The following LRRC10B variants were observed in gnomAD, a reference collection of about 807,000 sequenced individuals.
LRRC10B encodes the protein leucine-rich repeat-containing protein 10B.
For synonymous variants in LRRC10B, 204 were observed against 221.5 expected (o/e 0.92, Z 0.70); for missense variants, 389 against 436.5 (o/e 0.89, Z 0.97).
chr11:61,509,707 A>C lies in LRRC10B; in HGVS notation c.709A>C (p.Met237Leu). 1 of 1,492,040 alleles carries C rather than the reference A, an allele frequency of 6.7e-7. No individual in the cohort carries two copies. The highest frequency in any genetic ancestry group is 8.9e-7 in the Non-Finnish European group (1 of 1,125,550). 92.4% of individuals were successfully genotyped at this position (1,492,040 alleles called of 1,614,324 possible). A position where few individuals can be genotyped will look rare whatever the true frequency, so the allele number is the denominator to read the frequency against. Reference protein sequence around the residue: ...FLVGEGAVERMAERDEPTPRP... With the variant: ...FLVGEGAVERLAERDEPTPRP... ...CGTGGGCGAGGGCGCCGTCGAGCGC[A>C]TGGCGGAGCGCGACGAGCCCACGCC... is the stretch of plus-strand genomic sequence containing the variant. Residue 237 changes from methionine to leucine, a missense_variant, in exon 1 of 1, where the codon ATG (methionine) becomes CTG (leucine). Physicochemically the swap from Met to Leu is conservative, Grantham distance 15. Transcript: ENST00000378075.
rs1365607032 is a variant in LRRC10B, at chr11:61,509,753, C to CT, written c.755_756insT (p.Ala253SerfsTer5). On this transcript the variant is annotated frameshift_variant, in exon 1 of 1. Coordinates refer to ENST00000378075, the MANE Select transcript of LRRC10B (RefSeq NM_001145077.2). LOFTEE classifies it high-confidence loss of function. ...ACGCCCCGGCCTCCGCCCCGGCGCC[C>CT]AGCGCGGGCCTTTGAGGATGAGGAG... 1.3e-6 allele frequency: 2 copies of CT among 1,523,292 alleles called. No homozygotes were observed. The highest frequency in any genetic ancestry group is 1.8e-6 in the Non-Finnish European group (2 of 1,141,814). The allele number at this position is 1,523,292 out of a possible 1,614,324, so 94.4% of individuals were successfully genotyped here.
chr11:61,509,786 A>G lies in LRRC10B; in HGVS notation c.788A>G (p.Asp263Gly). 6.5e-7 allele frequency: 1 copy of G among 1,530,032 alleles called. No homozygotes were observed. Among genetic ancestry groups the G allele is most frequent in the Non-Finnish European group, 8.7e-7 (1 of 1,143,412 alleles). The allele number at this position is 1,530,032 out of a possible 1,614,324, so 94.8% of individuals were successfully genotyped here. ...ARAFEDEEEE[D>G]LLIGGAGSRA... ...GCCTTTGAGGATGAGGAGGAGGAAG[A>G]CCTGCTCATAGGCGGCGCTGGTTCC... The change falls in exon 1 of 1, where the codon GAC becomes GGC. Residue 263 changes from aspartate (D) to glycine (G), a missense_variant. Transcript: ENST00000378075.
At position 61,509,019 on chromosome 11, in the gene LRRC10B, G is replaced by C. The variant is rs543955974; in HGVS notation, c.21G>C (p.Thr7=). 1 of 1,349,510 alleles carries C rather than the reference G, an allele frequency of 7.4e-7. No individual in the cohort carries two copies. 83.6% of individuals were successfully genotyped at this position (1,349,510 alleles called of 1,614,324 possible). A position where few individuals can be genotyped will look rare whatever the true frequency, so the allele number is the denominator to read the frequency against. ...TGACCATGGGCATCGCCGAGTCCACGCCGGATGAGCTGCCGTCGGACGCAG... is the reference window on the plus strand; with the variant it reads ...TGACCATGGGCATCGCCGAGTCCACCCCGGATGAGCTGCCGTCGGACGCAG... MGIAES[T]PDELPSDAEE... Residue 7 remains threonine, a synonymous_variant, in exon 1 of 1, where the codon ACG becomes ACC. Transcript: ENST00000378075.
chr11:61,509,722 G>C lies in LRRC10B; in HGVS notation c.724G>C (p.Glu242Gln), dbSNP rs1000818697. 14 of 1,514,552 alleles carry C rather than the reference G, an allele frequency of 9.2e-6. No individual in the cohort carries two copies. Among genetic ancestry groups the C allele is most frequent in the South Asian group, 7.4e-5 (6 of 81,480 alleles). The allele number at this position is 1,514,552 out of a possible 1,614,324, so 93.8% of individuals were successfully genotyped here. A position where few individuals can be genotyped will look rare whatever the true frequency, so the allele number is the denominator to read the frequency against. Residue 242 changes from glutamate to glutamine, a missense_variant, in exon 1 of 1, where the codon GAG becomes CAG. Glu to Gln is a conservative substitution (Grantham distance 29, BLOSUM62 2). Coordinates refer to ENST00000378075, the MANE Select transcript of LRRC10B (RefSeq NM_001145077.2). ...CGTCGAGCGCATGGCGGAGCGCGAC[G>C]AGCCCACGCCCCGGCCTCCGCCCCG... is the stretch of plus-strand genomic sequence containing the variant. The part of the protein sequence containing the change: ...GAVERMAERD[E>Q]PTPRPPPRRP...
Position 61,509,155 on chromosome 11 carries a change from G to C in LRRC10B, c.157G>C (p.Gly53Arg), listed in dbSNP as rs1287425658. Residue 53 changes from glycine to arginine, a missense_variant, in exon 1 of 1, where the codon GGC becomes CGC. Gly to Arg is a moderately radical substitution (Grantham distance 125, BLOSUM62 -2). Coordinates refer to ENST00000378075, the MANE Select transcript of LRRC10B (RefSeq NM_001145077.2). ...LSRLQKLYVS[G>R]TGLRELPEEI... The stretch of plus-strand genomic sequence containing the variant: ...CCGCCTGCAGAAGCTGTATGTGAGC[G>C]GCACGGGGCTGCGCGAGCTGCCGGA... 6.5e-7 allele frequency: 1 copy of C among 1,528,574 alleles called. No homozygotes were observed. Among genetic ancestry groups the C allele is most frequent in the South Asian group, 1.2e-5 (1 of 83,248 alleles). The allele number at this position is 1,528,574 out of a possible 1,614,324, so 94.7% of individuals were successfully genotyped here. A position where few individuals can be genotyped will look rare whatever the true frequency, so the allele number is the denominator to read the frequency against.
At position 61,509,960 on chromosome 11, in the gene LRRC10B, G is replaced by A; in HGVS notation, c.*83G>A. On this transcript the variant is annotated 3_prime_UTR_variant, in exon 1 of 1. Coordinates refer to ENST00000378075, the MANE Select transcript of LRRC10B (RefSeq NM_001145077.2). ...TTGGCTGGTTAGGCCTGCGGGACTG[G>A]TGGGTCCCTACTTAGGTCAATGGAA... The A allele has an allele frequency of 7.4e-7, 1 of 1,359,818 alleles. No individual in the cohort carries two copies. Among genetic ancestry groups the A allele is most frequent in the Non-Finnish European group, 9.7e-7 (1 of 1,035,600 alleles). 84.2% of individuals were successfully genotyped at this position (1,359,818 alleles called of 1,614,324 possible).
rs1347934277 is a variant in LRRC10B, at chr11:61,509,670, C to G, written c.672C>G (p.Asp224Glu). The change falls in exon 1 of 1, where the codon GAC (aspartate) becomes GAG (glutamate). Residue 224 changes from aspartate to glutamate, a missense_variant. By Grantham distance (45) the Asp-to-Glu change is conservative (BLOSUM62 2). Transcript: ENST00000378075. ...TCACCGGGCCCCCGCGCGTCGCGGA[C>G]ACCGTGTTCCTCGTGGGCGAGGGCG... Reference protein sequence around the residue: ...NPVTGPPRVADTVFLVGEGAV... With the variant: ...NPVTGPPRVAETVFLVGEGAV... 1 of 1,519,824 alleles carries G rather than the reference C, an allele frequency of 6.6e-7. No homozygotes were observed. The highest frequency in any genetic ancestry group is 2.6e-5 in the East Asian group (1 of 38,060). 94.1% of individuals were successfully genotyped at this position (1,519,824 alleles called of 1,614,324 possible).
At position 61,509,795 on chromosome 11, in the gene LRRC10B, T is replaced by C. The variant is rs1191218862; in HGVS notation, c.797T>C (p.Ile266Thr). 2 of 1,531,002 alleles carry C rather than the reference T, an allele frequency of 1.3e-6. No individual in the cohort carries two copies. Among genetic ancestry groups the C allele is most frequent in the Non-Finnish European group, 8.7e-7 (1 of 1,143,436 alleles). 94.8% of individuals were successfully genotyped at this position (1,531,002 alleles called of 1,614,324 possible). Residue 266 changes from isoleucine (I) to threonine (T), a missense_variant, in exon 1 of 1, where the codon ATA becomes ACA. Transcript: ENST00000378075. ...FEDEEEEDLL[I>T]GGAGSRALGA... ...GATGAGGAGGAGGAAGACCTGCTCA[T>C]AGGCGGCGCTGGTTCCCGGGCTCTG...
In LRRC10B at chr11:61,509,643, C is replaced by T. The variant is rs551904983; in HGVS notation, c.645C>T (p.Pro215=). ...GCGTCTTCTCCTACGACCACAACCC[C>T]GTCACCGGGCCCCCGCGCGTCGCGG... ...ALRVFSYDHN[P]VTGPPRVADT... is the part of the protein sequence containing the mutation. Residue 215 remains proline (P), a synonymous_variant, in exon 1 of 1, where the codon CCC becomes CCT. Coordinates refer to ENST00000378075, the MANE Select transcript of LRRC10B (RefSeq NM_001145077.2). 2.0e-6 allele frequency: 3 copies of T among 1,521,620 alleles called. No homozygotes were observed. Among genetic ancestry groups the T allele is most frequent in the Admixed American group, 4.1e-5 (2 of 48,490 alleles). The allele number at this position is 1,521,620 out of a possible 1,614,324, so 94.3% of individuals were successfully genotyped here.
In LRRC10B at chr11:61,509,983, G is replaced by A. The variant is rs567671401; in HGVS notation, c.*106G>A. On this transcript the variant is annotated 3_prime_UTR_variant, in exon 1 of 1. Transcript: ENST00000378075. The stretch of plus-strand genomic sequence containing the variant: ...TGGTGGGTCCCTACTTAGGTCAATG[G>A]AACGGCTACTTTTGGCGAGTTGCCG... The A allele has an allele frequency of 1.1e-5, 13 of 1,218,312 alleles. No homozygotes were observed. The Admixed American group carries it at 1.1e-4, about 10-fold the overall frequency. 75.5% of individuals were successfully genotyped at this position (1,218,312 alleles called of 1,614,324 possible).
In LRRC10B at chr11:61,509,344, C is replaced by T; in HGVS notation, c.346C>T (p.Arg116Cys). ...PADFAQLQSL[R>C]CLWIEGNFLR... Reference sequence around the variant, plus strand: ...CGACTTCGCGCAGTTGCAGAGCCTGCGCTGCCTCTGGATCGAGGGCAACTT... The same window carrying T: ...CGACTTCGCGCAGTTGCAGAGCCTGTGCTGCCTCTGGATCGAGGGCAACTT... Residue 116 changes from arginine to cysteine, a missense_variant, in exon 1 of 1, where the codon CGC becomes TGC. Arg to Cys is a radical substitution (Grantham distance 180). Coordinates refer to ENST00000378075, the MANE Select transcript of LRRC10B (RefSeq NM_001145077.2). 1 of 1,496,832 alleles carries T rather than the reference C, an allele frequency of 6.7e-7. No individual in the cohort carries two copies. The highest frequency in any genetic ancestry group is 8.8e-7 in the Non-Finnish European group (1 of 1,130,534). The allele number at this position is 1,496,832 out of a possible 1,614,324, so 92.7% of individuals were successfully genotyped here.
chr11:61,509,251 G>C lies in LRRC10B; in HGVS notation c.253G>C (p.Gly85Arg). The change falls in exon 1 of 1, where the codon GGC becomes CGC. Residue 85 changes from glycine (G) to arginine (R), a missense_variant. By Grantham distance (125) the Gly-to-Arg change is moderately radical. Transcript: ENST00000378075. Reference sequence around the variant, plus strand: ...CAACAAGCTCGAGCGACTGCCTGACGGCCTGTGCCGCCTGCCGCGCCTCAC... The same window carrying C: ...CAACAAGCTCGAGCGACTGCCTGACCGCCTGTGCCGCCTGCCGCGCCTCAC... ...DFNKLERLPD[G>R]LCRLPRLTRL... 6.6e-7 allele frequency: 1 copy of C among 1,524,684 alleles called. No individual in the cohort carries two copies. Among genetic ancestry groups the C allele is most frequent in the South Asian group, 1.2e-5 (1 of 82,896 alleles). 94.4% of individuals were successfully genotyped at this position (1,524,684 alleles called of 1,614,324 possible). A position where few individuals can be genotyped will look rare whatever the true frequency, so the allele number is the denominator to read the frequency against.
In LRRC10B at chr11:61,509,313, G is replaced by A. The variant is rs1320170755; in HGVS notation, c.315G>A (p.Leu105=). 6.7e-7 allele frequency: 1 copy of A among 1,494,912 alleles called. No individual in the cohort carries two copies. Among genetic ancestry groups the A allele is most frequent in the South Asian group, 1.3e-5 (1 of 79,076 alleles). 92.6% of individuals were successfully genotyped at this position (1,494,912 alleles called of 1,614,324 possible). The change falls in exon 1 of 1, where the codon CTG becomes CTA. Residue 105 remains leucine, a synonymous_variant. Coordinates refer to ENST00000378075, the MANE Select transcript of LRRC10B (RefSeq NM_001145077.2). ...LYLGGNRLLA[L]PADFAQLQSL... The stretch of plus-strand genomic sequence containing the variant: ...TGGGCGGCAACCGGCTGCTGGCGCT[G>A]CCCGCCGACTTCGCGCAGTTGCAGA...
chr11:61,509,438 G>A lies in LRRC10B; in HGVS notation c.440G>A (p.Arg147Gln). The change falls in exon 1 of 1, where the codon CGG becomes CAG. Residue 147 changes from arginine to glutamine, a missense_variant. Transcript: ENST00000378075. ...ALQSLQMGDN[R>Q]LRALPAELPR... ...CAGTCGCTCCAGATGGGCGACAACC[G>A]GCTGCGCGCGCTGCCGGCCGAGCTG... 1 of 1,480,060 alleles carries A rather than the reference G, an allele frequency of 6.8e-7. No homozygotes were observed. Among genetic ancestry groups the A allele is most frequent in the Non-Finnish European group, 8.9e-7 (1 of 1,126,252 alleles). The allele number at this position is 1,480,060 out of a possible 1,614,324, so 91.7% of individuals were successfully genotyped here. A position where few individuals can be genotyped will look rare whatever the true frequency, so the allele number is the denominator to read the frequency against.
In LRRC10B at chr11:61,509,884, GTTCTGGCT is replaced by G; in HGVS notation, c.*8_*15del. On this transcript the variant is annotated 3_prime_UTR_variant, in exon 1 of 1. Coordinates refer to ENST00000378075, the MANE Select transcript of LRRC10B (RefSeq NM_001145077.2). ...TCCAGGACTGGGCACCTGAGCCTAT[GTTCTGGCT>G]GATGGGCTTCAGCCACTCTGAGAGG... 6.7e-7 allele frequency: 1 copy of G among 1,487,992 alleles called. No individual in the cohort carries two copies. 92.2% of individuals were successfully genotyped at this position (1,487,992 alleles called of 1,614,324 possible).
Position 61,509,276 on chromosome 11 carries a change from C to G in LRRC10B, c.278C>G (p.Thr93Arg). Residue 93 changes from threonine (T) to arginine (R), a missense_variant, in exon 1 of 1, where the codon ACG becomes AGG. Transcript: ENST00000378075. ...PDGLCRLPRL[T>R]RLYLGGNRLL... is the part of the protein sequence containing the mutation. ...GGCCTGTGCCGCCTGCCGCGCCTCA[C>G]GCGCCTCTATCTGGGCGGCAACCGG... 1.3e-6 allele frequency: 2 copies of G among 1,517,978 alleles called. No individual in the cohort carries two copies. Among genetic ancestry groups the G allele is most frequent in the Non-Finnish European group, 1.8e-6 (2 of 1,138,626 alleles). 94.0% of individuals were successfully genotyped at this position (1,517,978 alleles called of 1,614,324 possible). A position where few individuals can be genotyped will look rare whatever the true frequency, so the allele number is the denominator to read the frequency against.
Position 61,509,780 on chromosome 11 carries a change from A to T in LRRC10B, c.782A>T (p.Glu261Val), listed in dbSNP as rs1040459601. Reference protein sequence around the residue: ...RPARAFEDEEEEDLLIGGAGS... With the variant: ...RPARAFEDEEVEDLLIGGAGS... The stretch of plus-strand genomic sequence containing the variant: ...GCGCGGGCCTTTGAGGATGAGGAGG[A>T]GGAAGACCTGCTCATAGGCGGCGCT... Residue 261 changes from glutamate (E) to valine (V), a missense_variant, in exon 1 of 1, where the codon GAG becomes GTG. Glu to Val is a moderately radical substitution (Grantham distance 121). Transcript: ENST00000378075. 6 of 1,528,934 alleles carry T rather than the reference A, an allele frequency of 3.9e-6. No homozygotes were observed. The highest frequency in any genetic ancestry group is 1.2e-5 in the South Asian group (1 of 82,968). The allele number at this position is 1,528,934 out of a possible 1,614,324, so 94.7% of individuals were successfully genotyped here. A position where few individuals can be genotyped will look rare whatever the true frequency, so the allele number is the denominator to read the frequency against.
Position 61,509,816 on chromosome 11 carries a change from C to A in LRRC10B, c.818C>A (p.Ala273Asp). The A allele has an allele frequency of 6.5e-7, 1 of 1,532,074 alleles. No individual in the cohort carries two copies. The highest frequency in any genetic ancestry group is 8.7e-7 in the Non-Finnish European group (1 of 1,143,054). 94.9% of individuals were successfully genotyped at this position (1,532,074 alleles called of 1,614,324 possible). The change falls in exon 1 of 1, where the codon GCT becomes GAT. Residue 273 changes from alanine (A) to aspartate (D), a missense_variant. By Grantham distance (126) the Ala-to-Asp change is moderately radical. Transcript: ENST00000378075. Reference sequence around the variant, plus strand: ...CTCATAGGCGGCGCTGGTTCCCGGGCTCTGGGCGCCCCCGGGGGCAGCTTC... The same window carrying A: ...CTCATAGGCGGCGCTGGTTCCCGGGATCTGGGCGCCCCCGGGGGCAGCTTC... ...DLLIGGAGSR[A>D]LGAPGGSFRA...
chr11:61,510,975 A>G lies in LRRC10B; in HGVS notation c.*1098A>G. 6.0e-6 allele frequency: 1 copy of G among 166,652 alleles called. No homozygotes were observed. 10.3% of individuals were successfully genotyped at this position (166,652 alleles called of 1,614,324 possible). A position where few individuals can be genotyped will look rare whatever the true frequency, so the allele number is the denominator to read the frequency against. ...TAATGTTTTCTTTAGAGAGAAGAAA[A>G]AACAACTGGCTGTAAACGTAAATTA... On this transcript the variant is annotated 3_prime_UTR_variant, in exon 1 of 1. Coordinates refer to ENST00000378075, the MANE Select transcript of LRRC10B (RefSeq NM_001145077.2).
Sources: allele counts gnomAD v4.1 joint callset, GRCh38; gene constraint gnomAD v4.1.1; transcripts MANE v1.5; gene names NCBI Gene and HGNC (gene_info 2026-07-23, HGNC 2026-07-21).